Variants in UGT2B7 observed in about 807,000 individuals in gnomAD.
UGT2B7 encodes UDP-glucuronosyltransferase 2B7.
In UGT2B7, 51 loss-of-function variants were observed where a neutral mutation model predicts 51.9. The observed-to-expected ratio is 0.98, with a 90% CI of 0.78 to 1.24. UGT2B7 has a LOEUF of 1.24. Among genes scored for constraint, UGT2B7 ranks in the 50% most tolerant of loss-of-function variants. The pLI, the probability that UGT2B7 is intolerant of heterozygous loss-of-function variation, is 0.00. For missense variants in UGT2B7, 727 were observed against 628.4 expected (o/e 1.16, Z -1.68); for synonymous variants, 225 against 211.6 (o/e 1.06, Z -0.55).
chr4:69,086,356 T>C (rs1442667282), intron 1 of UGT2B7, among the ~76,000 whole-genome samples: 1 of 151,852 alleles, frequency 6.6e-6, no homozygotes, highest in Admixed American at 6.6e-5. Context: ...TGACACCATT[T>C]TGATTTTAAA....
chr4:69,058,425 T>C (rs558635774), intron 1 of UGT2B7, among the ~76,000 whole-genome samples: 4 of 152,310 alleles, frequency 2.6e-5, no homozygotes, highest in Admixed American at 2.6e-4. Flanking sequence ...GCAAATGCCT[T>C]TCTGGGAAAC....
intron 1 of UGT2B7, among the ~76,000 whole-genome samples, chr4:69,060,203 A>T (rs1238585162): frequency 1.3e-5 from 2 of 152,190 alleles, no homozygotes; most frequent in East Asian, 1.9e-4. Flanking sequence ...GGAAGGCAGG[A>T]TATAAAGTGT....
At chr4:69,091,141 T>G (rs773466302) in intron 2 of UGT2B7, among the ~76,000 whole-genome samples, 3 of 152,206 alleles carry the variant, frequency 2.0e-5, no homozygotes, top group Admixed American at 1.3e-4. Context: ...TTTTTCTAAT[T>G]ATTTCATGTA....
intron 2 of UGT2B7, among the ~76,000 whole-genome samples, chr4:69,101,887 A>T (rs1433699393): frequency 6.6e-6 from 1 of 152,098 alleles, no homozygotes; most frequent in African/African-American, 2.4e-5. Context: ...AAGAGACAAG[A>T]TCTCCCCTGC....
chr4:69,112,838 A>AT lies in UGT2B7; in HGVS notation c.*102_*103insT. 1.0e-6 allele frequency: 1 copy of AT among 1,003,628 alleles called. No individual in the cohort carries two copies. The highest frequency in any genetic ancestry group is 1.3e-6 in the Non-Finnish European group (1 of 755,764). 62.2% of individuals were successfully genotyped at this position (1,003,628 alleles called of 1,614,324 possible). A position where few individuals can be genotyped will look rare whatever the true frequency, so the allele number is the denominator to read the frequency against. On this transcript the variant is annotated 3_prime_UTR_variant, in exon 6 of 6. Transcript: ENST00000305231. ...GCAAGATTTCTTTCTTCCTGAGACA[A>AT]AAAAAAAAAAAGAAAAAAAAATCTT...
chr4:69,091,021 T>C (rs1307443279), intron 2 of UGT2B7, among the ~76,000 whole-genome samples: 1 of 152,196 alleles, frequency 6.6e-6, no homozygotes, highest in African/African-American at 2.4e-5. Flanking sequence ...TCTTCATATA[T>C]CCATGACCTT....
chr4:69,112,085 C>T (rs916555533), intron 5 of UGT2B7, among the ~76,000 whole-genome samples: 1 of 152,150 alleles, frequency 6.6e-6, no homozygotes, highest in Non-Finnish European at 1.5e-5. Context: ...CAGTGCCACA[C>T]CCTGTGCCTG....
chr4:69,079,434 G>T (rs367974040), intron 1 of UGT2B7, among the ~76,000 whole-genome samples: 8 of 152,132 alleles, frequency 5.3e-5, no homozygotes, highest in Non-Finnish European at 8.8e-5. Flanking sequence ...GTATACATAC[G>T]TAACAAACCT....
At position 69,096,971 on chromosome 4, in the gene UGT2B7, G is replaced by A; in HGVS notation, c.451G>A (p.Asp151Asn). 1 of 1,613,596 alleles carries A rather than the reference G, an allele frequency of 6.2e-7. No homozygotes were observed. Among genetic ancestry groups the A allele is most frequent in the Non-Finnish European group, 8.5e-7 (1 of 1,179,786 alleles). The change falls in exon 1 of 6, where the codon GAT (aspartate) becomes AAT (asparagine). Residue 151 changes from aspartate to asparagine, a missense_variant. Physicochemically the swap from Asp to Asn is conservative, Grantham distance 23. Coordinates refer to ENST00000305231, the MANE Select transcript of UGT2B7 (RefSeq NM_001074.4). ...QESRFDVIFADAIFPCSELLA... is the reference protein window; with the variant it reads ...QESRFDVIFANAIFPCSELLA... ...GTCAAGATTTGACGTCATTTTTGCAGATGCTATTTTTCCCTGTAGTGAGCT... is the reference window on the plus strand; with the variant it reads ...GTCAAGATTTGACGTCATTTTTGCAAATGCTATTTTTCCCTGTAGTGAGCT...
rs146308452 is a variant in UGT2B7, at chr4:69,097,193, G to C, written c.673G>C (p.Glu225Gln). The C allele has an allele frequency of 1.9e-6, 3 of 1,612,466 alleles. No individual in the cohort carries two copies. Among genetic ancestry groups the C allele is most frequent in the Non-Finnish European group, 2.5e-6 (3 of 1,179,270 alleles). The change falls in exon 1 of 6, where the codon GAA becomes CAA. Residue 225 changes from glutamate (E) to glutamine (Q), a missense_variant. By Grantham distance (29) the Glu-to-Gln change is conservative. Coordinates refer to ENST00000305231, the MANE Select transcript of UGT2B7 (RefSeq NM_001074.4). ...TGTGCTTTACTTTGACTTTTGGTTC[G>C]AAATATTTGACATGAAGAAGTGGGA... ...IYVLYFDFWF[E>Q]IFDMKKWDQF...
intron 5 of UGT2B7, among the ~76,000 whole-genome samples, chr4:69,109,212 C>T (rs1306046047): frequency 2.0e-5 from 3 of 152,090 alleles, no homozygotes; most frequent in African/African-American, 4.8e-5. Flanking sequence ...AAGATTGCTA[C>T]ACATGTTTTT....
intron 1 of UGT2B7, among the ~76,000 whole-genome samples, chr4:69,061,646 A>G (rs542444573): frequency 6.6e-6 from 1 of 152,334 alleles, no homozygotes; most frequent in Admixed American, 6.5e-5. Context: ...AACAGTTCCA[A>G]GGAACTCACA....
intron 1 of UGT2B7, among the ~76,000 whole-genome samples, chr4:69,061,958 G>C (rs1185148257): frequency 6.6e-6 from 1 of 152,110 alleles, no homozygotes; most frequent in East Asian, 1.9e-4. Flanking sequence ...AGTTGATGAA[G>C]GTATTGTTAA....
intron 1 of UGT2B7, among the ~76,000 whole-genome samples, chr4:69,051,837 C>G (rs930227707): frequency 6.6e-6 from 1 of 152,204 alleles, no homozygotes; most frequent in Non-Finnish European, 1.5e-5. Flanking sequence ...TTGCTGGATA[C>G]TTTGGTTTCG....
intron 1 of UGT2B7, among the ~76,000 whole-genome samples, chr4:69,097,512 A>G (rs1376420124): frequency 6.6e-6 from 1 of 152,110 alleles, no homozygotes; most frequent in Non-Finnish European, 1.5e-5. Flanking sequence ...GCAATTACAC[A>G]TCTGTTTTAC....
In UGT2B7 at chr4:69,096,817, C is replaced by T; in HGVS notation, c.297C>T (p.Asp99=). 6.2e-7 allele frequency: 1 copy of T among 1,613,870 alleles called. No individual in the cohort carries two copies. Among genetic ancestry groups the T allele is most frequent in the Non-Finnish European group, 8.5e-7 (1 of 1,179,904 alleles). ...TGCAACAGATTAAGAGATGGTCAGA[C>T]CTTCCAAAAGATACATTTTGGTTAT... The part of the protein sequence containing the change: ...FIMQQIKRWS[D]LPKDTFWLYF... Residue 99 remains aspartate (D), a synonymous_variant, in exon 1 of 6, where the codon GAC becomes GAT. Transcript: ENST00000305231.
intron 1 of UGT2B7, among the ~76,000 whole-genome samples, chr4:69,054,084 T>TA (rs2109857407): frequency 6.6e-6 from 1 of 151,564 alleles, no homozygotes; most frequent in African/African-American, 2.4e-5. Context: ...TGACAGTGAA[T>TA]AAAAATGTAG....
chr4:69,064,087 A>AGAAAGAAAGAAG (rs1718427820), intron 1 of UGT2B7, among the ~76,000 whole-genome samples: 5 of 104,890 alleles, frequency 4.8e-5, no homozygotes, highest in Non-Finnish European at 7.2e-5. Flanking sequence ...AAAGAAAGAA[A>AGAAAGAAAGAAG]GAAAGAAAGA....
chr4:69,107,035 A>C, intron 3 of UGT2B7, 140 bp from the exon 4 acceptor site: 1 of 897,838 alleles, frequency 1.1e-6, no homozygotes, highest in Non-Finnish European at 1.6e-6. Context: ...AATTAATGTG[A>C]GTATTCTATT....
Sources: allele counts gnomAD v4.1 joint callset (sites outside exome capture counted in the v4.1 genomes callset), GRCh38; gene constraint gnomAD v4.1.1; transcripts MANE v1.5; gene names NCBI Gene and HGNC (gene_info 2026-07-23, HGNC 2026-07-21).